MMP28: variants seen among roughly 807,000 people sequenced by gnomAD.
MMP28 encodes matrix metalloproteinase-28.
Under a neutral mutation model 60.5 loss-of-function variants are expected in MMP28, and 55 were observed. That is an observed-to-expected ratio of 0.91 (90% CI 0.73 to 1.14). MMP28 has a LOEUF of 1.14. Among genes scored for constraint, MMP28 ranks in the 50% most tolerant of loss-of-function variants. MMP28 has a pLI of 0.00. For missense variants in MMP28, 686 were observed against 738.3 expected (o/e 0.93, Z 0.82); for synonymous variants, 318 against 312.5 (o/e 1.02, Z -0.18).
At chr17:35,784,242 A>G (rs2086585145) in intron 1 of MMP28, among the ~76,000 whole-genome samples, 1 of 151,050 alleles carries the variant, frequency 6.6e-6, no homozygotes, top group African/African-American at 2.4e-5. Flanking sequence ...AGATCACAAC[A>G]CTGCACTCCA....
At chr17:35,770,509 G>C (rs935856442) in intron 4 of MMP28, among the ~76,000 whole-genome samples, 197 bp from the exon 5 acceptor site, 1 of 152,250 alleles carries the variant, frequency 6.6e-6, no homozygotes, top group South Asian at 2.1e-4. Flanking sequence ...TGCAGTGGAC[G>C]ATGAGTAGGC....
downstream of MMP28, chr17:35,763,938 A>G (rs587667369): frequency 9.3e-7 from 1 of 1,077,422 alleles, no homozygotes; most frequent in Non-Finnish European, 1.2e-6. Flanking sequence ...ATAAATAAAT[A>G]CATGAAAAAT....
At chr17:35,773,425 G>A (rs377392240) in intron 3 of MMP28, 21 bp from the exon 4 acceptor site, 4 of 1,560,432 alleles carry the variant, frequency 2.6e-6, no homozygotes, top group Middle Eastern at 1.7e-4. Flanking sequence ...GAAAGCCCAC[G>A]TCAGTCACAC....
intron 1 of MMP28, among the ~76,000 whole-genome samples, chr17:35,788,080 AT>A (rs1277931144): frequency 6.7e-6 from 1 of 150,346 alleles, no homozygotes; most frequent in African/African-American, 2.4e-5. Flanking sequence ...TAATTTTTTA[AT>A]TTTTGTAGAG....
At chr17:35,778,741 G>T in intron 3 of MMP28, 147 bp downstream of exon 3, 1 of 1,510,138 alleles carries the variant, frequency 6.6e-7, no homozygotes, top group Non-Finnish European at 8.9e-7. Context: ...TGGTCCTCAA[G>T]CCAAGAGGTC....
intron 1 of MMP28, among the ~76,000 whole-genome samples, chr17:35,791,429 TC>T (rs1435373173): frequency 6.6e-6 from 1 of 151,998 alleles, no homozygotes; most frequent in African/African-American, 2.4e-5. Context: ...TTCCAGGTAC[TC>T]AGGAGGCTGA....
chr17:35,787,006 AT>A (rs769164700), intron 1 of MMP28, among the ~76,000 whole-genome samples: 5 of 152,020 alleles, frequency 3.3e-5, no homozygotes, highest in Non-Finnish European at 7.4e-5. Context: ...AGGATGTTTT[AT>A]TTTACATTTA....
chr17:35,785,900 C>T (rs1292973136), intron 1 of MMP28, among the ~76,000 whole-genome samples: 2 of 152,162 alleles, frequency 1.3e-5, no homozygotes, highest in African/African-American at 4.8e-5. Context: ...TACTGTTTTA[C>T]CTTTCTCGCA....
downstream of MMP28, chr17:35,763,964 C>T (rs2085878636): frequency 1.4e-6 from 2 of 1,391,542 alleles, no homozygotes; most frequent in East Asian, 5.9e-5. Context: ...TGGACCCTTT[C>T]TCGGGGACAG....
chr17:35,777,917 A>G (rs1468197835), intron 3 of MMP28, among the ~76,000 whole-genome samples: 1 of 152,236 alleles, frequency 6.6e-6, no homozygotes, highest in Non-Finnish European at 1.5e-5. Context: ...AGTCCCAGCT[A>G]CTTGTGAGGC....
intron 3 of MMP28, 118 bp downstream of exon 3, chr17:35,778,770 C>G: frequency 1.3e-6 from 2 of 1,579,342 alleles, no homozygotes; most frequent in East Asian, 2.3e-5. Context: ...CCACTCCTCC[C>G]GTGCCCTAGG....
chr17:35,765,954 C>T lies in MMP28; in HGVS notation c.*546G>A. The T allele has an allele frequency of 1.0e-6, 1 of 985,462 alleles. No individual in the cohort carries two copies. The highest frequency in any genetic ancestry group is 1.2e-6 in the Non-Finnish European group (1 of 829,938). 61.0% of individuals were successfully genotyped at this position (985,462 alleles called of 1,614,324 possible). A position where few individuals can be genotyped will look rare whatever the true frequency, so the allele number is the denominator to read the frequency against. ...GACTGGTAGGCCTGCATCAGTCTCCCTCCCACTCTGTGTCCTGACCCCACA... is the reference window on the plus strand; with the variant it reads ...GACTGGTAGGCCTGCATCAGTCTCCTTCCCACTCTGTGTCCTGACCCCACA... On this transcript the variant is annotated 3_prime_UTR_variant, in exon 8 of 8. Transcript: ENST00000605424.
At position 35,766,274 on chromosome 17, in the gene MMP28, T is replaced by G. The variant is rs2085934491; in HGVS notation, c.*226A>C. 7 of 1,316,384 alleles carry G rather than the reference T, an allele frequency of 5.3e-6. No homozygotes were observed. The highest frequency in any genetic ancestry group is 3.9e-6 in the Non-Finnish European group (4 of 1,034,230). The allele number at this position is 1,316,384 out of a possible 1,614,324, so 81.5% of individuals were successfully genotyped here. On this transcript the variant is annotated 3_prime_UTR_variant, in exon 8 of 8. Transcript: ENST00000605424. This position sits in a 1 kb window ranked among gnomAD's most constrained non-coding sequence, Gnocchi z 4.3. Reference sequence around the variant, plus strand: ...GGCCAAGGGATCTGGGACCCTTTTTTGCTTTTCCTAAGATTGATCCCACCC... The same window carrying G: ...GGCCAAGGGATCTGGGACCCTTTTTGGCTTTTCCTAAGATTGATCCCACCC...
intron 1 of MMP28, among the ~76,000 whole-genome samples, chr17:35,794,959 G>A (rs1275502367): frequency 6.6e-6 from 1 of 152,188 alleles, no homozygotes; most frequent in African/African-American, 2.4e-5. Context: ...CCCCAGCCTA[G>A]GTGGTGAGGG....
chr17:35,780,423 A>G (rs931481416), intron 1 of MMP28, among the ~76,000 whole-genome samples: 7 of 152,246 alleles, frequency 4.6e-5, no homozygotes, highest in African/African-American at 1.7e-4. Flanking sequence ...CACTAACCTT[A>G]TAATTGATAT....
At position 35,773,330 on chromosome 17, in the gene MMP28, G is replaced by C. The variant is rs755638138; in HGVS notation, c.454C>G (p.Arg152Gly). ...WPEHLPEPAV[R>G]GAVRAAFQLW... ...TGGAAGGCGGCGCGCACGGCGCCCC[G>C]AACTGCCGGCTCCGGCAGATGCTCA... Residue 152 changes from arginine to glycine, a missense_variant, in exon 4 of 8, where the codon CGG (arginine) becomes GGG (glycine). Coordinates refer to ENST00000605424, the MANE Select transcript of MMP28 (RefSeq NM_024302.5). The C allele has an allele frequency of 1.9e-6, 3 of 1,612,702 alleles. No homozygotes were observed. The African/African-American group carries it at 4.0e-5, about 22-fold the overall frequency.
intron 1 of MMP28, 125 bp downstream of exon 1, chr17:35,795,142 G>A: frequency 1.7e-6 from 1 of 576,732 alleles, no homozygotes; most frequent in Non-Finnish European, 2.7e-6. Context: ...GTGCGAAGGG[G>A]GCGGAGGACA....
chr17:35,788,533 C>G (rs2086721049), intron 1 of MMP28, among the ~76,000 whole-genome samples: 1 of 152,106 alleles, frequency 6.6e-6, no homozygotes, highest in Admixed American at 6.6e-5. Context: ...TTCTATTCAC[C>G]CTATACCCAT....
chr17:35,764,621 G>A, downstream of MMP28: 1 of 1,573,570 alleles, frequency 6.4e-7, no homozygotes, highest in Admixed American at 1.9e-5. Flanking sequence ...ACTCCTGAGC[G>A]CCCCCGCTCC....
Sources: gnomAD v4.1 joint callset for allele counts (sites outside exome capture counted in the v4.1 genomes callset) on GRCh38, gnomAD v4.1.1 for gene constraint, Gnocchi (gnomAD v3.1) non-coding constraint, MANE v1.5 for transcripts, NCBI Gene and HGNC (gene_info 2026-07-23, HGNC 2026-07-21) for gene names.